AXDND1: variants seen among roughly 807,000 people sequenced by gnomAD.
The protein encoded by AXDND1 is axonemal dynein light chain domain-containing protein 1.
In AXDND1, 110 loss-of-function variants were observed where a neutral mutation model predicts 137.5. The ratio of observed to expected loss-of-function variants is 0.80; its 90% CI spans 0.69 to 0.94. AXDND1 has a LOEUF of 0.94. Among genes scored for constraint, AXDND1 ranks in the 40% least tolerant of loss-of-function variants. The probability of loss-of-function intolerance (pLI) is 0.00; values close to 1 mark genes in which losing one functional copy is unlikely to be tolerated. For synonymous variants in AXDND1, 414 were observed against 399.7 expected (o/e 1.04, Z -0.43); for missense variants, 1,191 against 1,169.8 (o/e 1.02, Z -0.26).
At chr1:179,417,148 T>C (rs1654830046) in intron 12 of AXDND1, among the ~76,000 whole-genome samples, 1 of 152,126 alleles carries the variant, frequency 6.6e-6, no homozygotes, top group Admixed American at 6.6e-5. Flanking sequence ...TGGAGAAATA[T>C]CTATTCAGAT....
At chr1:179,520,704 T>C (rs1162744959) in intron 21 of AXDND1, among the ~76,000 whole-genome samples, 1 of 151,856 alleles carries the variant, frequency 6.6e-6, no homozygotes, top group Non-Finnish European at 1.5e-5. Flanking sequence ...TCCAAGAATA[T>C]GGAATATAGG....
intron 25 of AXDND1, among the ~76,000 whole-genome samples, chr1:179,536,032 G>A (rs934043502): frequency 6.6e-6 from 1 of 152,218 alleles, no homozygotes; most frequent in Non-Finnish European, 1.5e-5. Context: ...TTTGAGAAGT[G>A]TCTGTTCATA....
chr1:179,460,377 C>T (rs1427000619), intron 16 of AXDND1, among the ~76,000 whole-genome samples: 1 of 151,924 alleles, frequency 6.6e-6, no homozygotes, highest in Admixed American at 6.6e-5. Context: ...TGAACTCATC[C>T]TTTTTTATGG....
At chr1:179,548,745 C>CT (rs1258806687) in intron 25 of AXDND1, 2 of 152,204 alleles carry the variant, frequency 1.3e-5, no homozygotes, top group Non-Finnish European at 2.9e-5. Context: ...GAATGACCTG[C>CT]TGAGCCTTCT....
intron 16 of AXDND1, chr1:179,457,034 T>C: frequency 1.3e-6 from 2 of 1,515,898 alleles, no homozygotes; most frequent in East Asian, 4.6e-5. Flanking sequence ...CACAGTTAAG[T>C]GGGCACCTGG....
At chr1:179,385,160 A>T in intron 8 of AXDND1, 78 bp from the exon 9 acceptor site, 1 of 1,221,086 alleles carries the variant, frequency 8.2e-7, no homozygotes, top group Admixed American at 2.4e-5. Context: ...ACTTATTTAC[A>T]TTCAAGGTAT....
chr1:179,550,902 A>C, intron 25 of AXDND1: 1 of 486,626 alleles, frequency 2.1e-6, no homozygotes, highest in Non-Finnish European at 3.7e-6. Context: ...CCACATCTAG[A>C]CTCAAAATTC....
At chr1:179,480,915 GTTT>G (rs1665284086) in intron 17 of AXDND1, among the ~76,000 whole-genome samples, 5 of 133,362 alleles carry the variant, frequency 3.7e-5, no homozygotes, top group Admixed American at 7.6e-5. Flanking sequence ...TTGTTTGTTT[GTTT>G]TTGCTTTTAT....
chr1:179,391,374 A>G lies in AXDND1; in HGVS notation c.864-2529A>G, dbSNP rs766940472. Reference sequence around the variant, plus strand: ...TATGGTTTGGCTGTGTCCCCATCCAAATCTCATCTTGAATTGTTGTTGCCA... The same window carrying G: ...TATGGTTTGGCTGTGTCCCCATCCAGATCTCATCTTGAATTGTTGTTGCCA... On this transcript the variant is annotated intron_variant, in intron 9 of 25. Coordinates refer to ENST00000367618, the MANE Select transcript of AXDND1 (RefSeq NM_144696.6). Among the ~76,000 whole-genome samples the G allele has an allele frequency of 8.4e-4, 128 of 151,928 alleles. 1 individual carries two copies. Among genetic ancestry groups the G allele is most frequent in the Non-Finnish European group, 8.5e-4 (58 of 67,978 alleles).
At position 179,503,220 on chromosome 1, in the gene AXDND1, A is replaced by G. The variant is rs910637568; in HGVS notation, c.2389-6076A>G. Among the ~76,000 whole-genome samples, 4 of 152,266 alleles carry G rather than the reference A, an allele frequency of 2.6e-5. No individual in the cohort carries two copies. The East Asian group carries it at 7.7e-4, about 29-fold the overall frequency. On this transcript the variant is annotated intron_variant, in intron 20 of 25. Coordinates refer to ENST00000367618, the MANE Select transcript of AXDND1 (RefSeq NM_144696.6). Reference sequence around the variant, plus strand: ...TTATGGTATATGAGGACTGGCATGTAGGGAGCAATTCTCTCTTTAAACTGC... The same window carrying G: ...TTATGGTATATGAGGACTGGCATGTGGGGAGCAATTCTCTCTTTAAACTGC...
intron 16 of AXDND1, chr1:179,451,641 T>A (rs1284588775): frequency 6.6e-6 from 1 of 152,212 alleles, no homozygotes; most frequent in Non-Finnish European, 1.5e-5. Context: ...GATAATTGAA[T>A]CATGAGGCCA....
chr1:179,479,334 G>T (rs1317084391), intron 17 of AXDND1, among the ~76,000 whole-genome samples: 1 of 151,998 alleles, frequency 6.6e-6, no homozygotes, highest in African/African-American at 2.4e-5. Context: ...AATTAGCTGG[G>T]CATGGTGGCA....
At chr1:179,449,144 C>T (rs1448188502) in intron 16 of AXDND1, 1 of 454,176 alleles carries the variant, frequency 2.2e-6, no homozygotes, top group African/African-American at 2.0e-5. Context: ...CTTCAGCCCC[C>T]CAAAGTGCTG....
At chr1:179,448,637 G>A (rs1263289573) in intron 16 of AXDND1, 4 of 243,264 alleles carry the variant, frequency 1.6e-5, no homozygotes, top group African/African-American at 4.7e-5. Context: ...CCAGCGCTCC[G>A]CACTGCCTGG....
At chr1:179,486,000 T>A (rs1318449271) in intron 18 of AXDND1, among the ~76,000 whole-genome samples, 1 of 151,838 alleles carries the variant, frequency 6.6e-6, no homozygotes, top group Non-Finnish European at 1.5e-5. Flanking sequence ...GCACCTGTAA[T>A]TCCAGCTACT....
At chr1:179,468,266 A>G (rs1281269885) in intron 16 of AXDND1, among the ~76,000 whole-genome samples, 177 bp from the exon 17 acceptor site, 1 of 152,234 alleles carries the variant, frequency 6.6e-6, no homozygotes, top group African/African-American at 2.4e-5. Flanking sequence ...CACAGTGCTT[A>G]TTCATTAAAC....
In AXDND1 at chr1:179,370,155, G is replaced by A. The variant is rs1667898918; in HGVS notation, c.374+77G>A. The A allele has an allele frequency of 9.6e-6, 11 of 1,147,528 alleles. No homozygotes were observed. In the South Asian group the frequency reaches 1.1e-4, roughly 11 times the overall value. The allele number at this position is 1,147,528 out of a possible 1,614,324, so 71.1% of individuals were successfully genotyped here. ...ATTTTGAATGATTACCTTGGGAGGGGCAGAATTAGAAAAATCACTGAATCA... is the reference window on the plus strand; with the variant it reads ...ATTTTGAATGATTACCTTGGGAGGGACAGAATTAGAAAAATCACTGAATCA... On this transcript the variant is annotated intron_variant, in intron 4 of 25. Coordinates refer to ENST00000367618, the MANE Select transcript of AXDND1 (RefSeq NM_144696.6).
intron 4 of AXDND1, among the ~76,000 whole-genome samples, chr1:179,373,661 G>C (rs1455962941): frequency 6.6e-6 from 1 of 152,052 alleles, no homozygotes; most frequent in African/African-American, 2.4e-5. Context: ...AGAGGCCTCC[G>C]AAATAACACC....
intron 17 of AXDND1, among the ~76,000 whole-genome samples, chr1:179,477,045 T>C (rs557544935): frequency 0.063 from 9,530 of 152,184 alleles, 343 homozygotes; most frequent in African/African-American, 0.07. Flanking sequence ...CCTCTTTATT[T>C]TTTGGCTTGA....
Sources: allele counts gnomAD v4.1 joint callset (sites outside exome capture counted in the v4.1 genomes callset), GRCh38; gene constraint gnomAD v4.1.1; transcripts MANE v1.5; gene names NCBI Gene and HGNC (gene_info 2026-07-23, HGNC 2026-07-21).